B3GALT5: variants seen among roughly 807,000 people sequenced by gnomAD.
B3GALT5 encodes the protein beta-1,3-galactosyltransferase 5, also known as UDP-Gal:betaGlcNAc beta 1,3-galactosyltransferase, polypeptide 5.
For synonymous variants in B3GALT5, 156 were observed against 158.6 expected (o/e 0.98, Z 0.12); for missense variants, 328 against 396.6 (o/e 0.83, Z 1.47).
Position 39,663,266 on chromosome 21 carries a change from C to A in B3GALT5, c.*1774C>A, listed in dbSNP as rs563812080. The A allele has an allele frequency of 1.3e-5, 2 of 152,522 alleles. No individual in the cohort carries two copies. Among genetic ancestry groups the A allele is most frequent in the Non-Finnish European group, 2.9e-5 (2 of 68,180 alleles). The allele number at this position is 152,522 out of a possible 1,614,324, so 9.4% of individuals were successfully genotyped here. A position where few individuals can be genotyped will look rare whatever the true frequency, so the allele number is the denominator to read the frequency against. On this transcript the variant is annotated 3_prime_UTR_variant, in exon 4 of 4. Transcript: ENST00000684187. ...TGTCAGGTGTGTGTCTGTGTGGCCACTGGTCTCAGTCGGCGAGGCCGGTCC... is the reference window on the plus strand; with the variant it reads ...TGTCAGGTGTGTGTCTGTGTGGCCAATGGTCTCAGTCGGCGAGGCCGGTCC...
chr21:39,634,734 A>G (rs2079215024), intron 1 of B3GALT5, among the ~76,000 whole-genome samples: 1 of 151,892 alleles, frequency 6.6e-6, no homozygotes, highest in Admixed American at 6.6e-5. Context: ...TGTTGCCTGG[A>G]GTCTGGATGT....
chr21:39,635,432 G>C (rs2079220424), intron 1 of B3GALT5, among the ~76,000 whole-genome samples: 1 of 152,130 alleles, frequency 6.6e-6, no homozygotes, highest in Non-Finnish European at 1.5e-5. Flanking sequence ...CCCATGGTTT[G>C]TTATTGTGTC....
rs2146233812 is a variant in B3GALT5, at chr21:39,669,418, A to G, written c.*7926A>G. 1 of 152,250 alleles carries G rather than the reference A, an allele frequency of 6.6e-6. No homozygotes were observed. Among genetic ancestry groups the G allele is most frequent in the South Asian group, 2.1e-4 (1 of 4,830 alleles). 9.4% of individuals were successfully genotyped at this position (152,250 alleles called of 1,614,324 possible). On this transcript the variant is annotated 3_prime_UTR_variant, in exon 4 of 4. Transcript: ENST00000684187. The stretch of plus-strand genomic sequence containing the variant: ...ATGTCAGACATTCATTCGTTTATTT[A>G]TTCATCTGTTGAGTGCTCAGTGCTT...
chr21:39,625,334 C>A (rs1207568597), intron 1 of B3GALT5, among the ~76,000 whole-genome samples: 1 of 152,154 alleles, frequency 6.6e-6, no homozygotes, highest in African/African-American at 2.4e-5. Flanking sequence ...ATGGCTCTAC[C>A]ACGCCTGCTA....
chr21:39,619,725 A>T (rs965944929), intron 1 of B3GALT5, among the ~76,000 whole-genome samples: 1 of 152,146 alleles, frequency 6.6e-6, no homozygotes, highest in Non-Finnish European at 1.5e-5. Context: ...CACAAGTTTT[A>T]ATTGCTGTGA....
chr21:39,653,407 C>CCT (rs2079413301), intron 2 of B3GALT5, among the ~76,000 whole-genome samples: 1 of 152,162 alleles, frequency 6.6e-6, no homozygotes, highest in East Asian at 1.9e-4. Flanking sequence ...GGGTCTGGGC[C>CCT]CTCTAAATAT....
chr21:39,643,949 T>C (rs1450355578), intron 1 of B3GALT5, among the ~76,000 whole-genome samples: 1 of 152,130 alleles, frequency 6.6e-6, no homozygotes, highest in Non-Finnish European at 1.5e-5. Flanking sequence ...TCAAGGAAAA[T>C]GACCAAAGAA....
At position 39,651,067 on chromosome 21, in the gene B3GALT5, G is replaced by A. The variant is rs191378289; in HGVS notation, c.-161+4445G>A. ...TGCCATCGTGGTTTTGAAGTGTGACGGTCACTCAGCTCAGGAGTCCTCGCT... is the reference window on the plus strand; with the variant it reads ...TGCCATCGTGGTTTTGAAGTGTGACAGTCACTCAGCTCAGGAGTCCTCGCT... On this transcript the variant is annotated intron_variant, in intron 2 of 3. Transcript: ENST00000684187. Among the ~76,000 whole-genome samples, 36 of 152,110 alleles carry A rather than the reference G, an allele frequency of 2.4e-4. No individual in the cohort carries two copies. In the East Asian group the frequency reaches 5.8e-3, roughly 25 times the overall value.
Position 39,667,204 on chromosome 21 carries a change from T to G in B3GALT5, c.*5712T>G, listed in dbSNP as rs1372609498. ...GAGCTTCGCAGTGCCCTCAATTTGC[T>G]AAGTTAACTTTGGCCACGCCGTCCG... On this transcript the variant is annotated 3_prime_UTR_variant, in exon 4 of 4. Transcript: ENST00000684187. 1 of 152,210 alleles carries G rather than the reference T, an allele frequency of 6.6e-6. No individual in the cohort carries two copies. Among genetic ancestry groups the G allele is most frequent in the African/African-American group, 2.4e-5 (1 of 41,436 alleles). The allele number at this position is 152,210 out of a possible 1,614,324, so 9.4% of individuals were successfully genotyped here.
At chr21:39,615,622 G>A (rs767480046) in intron 1 of B3GALT5, among the ~76,000 whole-genome samples, 6 of 152,212 alleles carry the variant, frequency 3.9e-5, no homozygotes, top group Non-Finnish European at 8.8e-5. Context: ...CAGATGACTG[G>A]TTGCAAATCC....
At chr21:39,657,655 ATCTATCTGTCTG>A in intron 2 of B3GALT5, 1 of 284,824 alleles carries the variant, frequency 3.5e-6, no homozygotes, top group Non-Finnish European at 6.1e-6. Context: ...ATTTCTTCTC[ATCTATCTGTCTG>A]TCTATCTATC....
In B3GALT5 at chr21:39,665,812, C is replaced by A. The variant is rs1281963814; in HGVS notation, c.*4320C>A. The A allele has an allele frequency of 6.6e-6, 1 of 152,232 alleles. No homozygotes were observed. Among genetic ancestry groups the A allele is most frequent in the Non-Finnish European group, 1.5e-5 (1 of 68,042 alleles). 9.4% of individuals were successfully genotyped at this position (152,232 alleles called of 1,614,324 possible). A position where few individuals can be genotyped will look rare whatever the true frequency, so the allele number is the denominator to read the frequency against. On this transcript the variant is annotated 3_prime_UTR_variant, in exon 4 of 4. Coordinates refer to ENST00000684187, the MANE Select transcript of B3GALT5 (RefSeq NM_001356336.2). ...TTTCCTTGCACTTACCAATTTCTAACAAAGCATGTAATATCTGTTTATTAT... is the reference window on the plus strand; with the variant it reads ...TTTCCTTGCACTTACCAATTTCTAAAAAAGCATGTAATATCTGTTTATTAT...
chr21:39,644,989 T>C (rs2079323724), intron 1 of B3GALT5, among the ~76,000 whole-genome samples: 1 of 152,100 alleles, frequency 6.6e-6, no homozygotes, highest in Non-Finnish European at 1.5e-5. Context: ...TGTCAGATGA[T>C]TGGCCCAAAT....
intron 1 of B3GALT5, among the ~76,000 whole-genome samples, chr21:39,639,398 CTTTT>C (rs762137403): frequency 4.0e-4 from 30 of 75,912 alleles, no homozygotes; most frequent in African/African-American, 1.0e-3. Context: ...TTCCTTCTTT[CTTTT>C]TCTTTCTTTC....
chr21:39,638,098 C>G (rs59929400), intron 1 of B3GALT5, among the ~76,000 whole-genome samples: 2,002 of 152,152 alleles, frequency 0.013, 48 homozygotes, highest in African/African-American at 0.046. Flanking sequence ...GGGAAGGGCA[C>G]GGTCCCTTTA....
rs2079641329 is a variant in B3GALT5 at position 39,672,730 on chromosome 21, A to G, written c.*11238A>G. On this transcript the variant is annotated 3_prime_UTR_variant, in exon 4 of 4. Transcript: ENST00000684187. ...TTTTCTATATTTATTTTGTACCTGGAAAAATATTTTTACAATTTATTTTGA... is the reference window on the plus strand; with the variant it reads ...TTTTCTATATTTATTTTGTACCTGGGAAAATATTTTTACAATTTATTTTGA... 1 of 152,218 alleles carries G rather than the reference A, an allele frequency of 6.6e-6. No individual in the cohort carries two copies. Among genetic ancestry groups the G allele is most frequent in the African/African-American group, 2.4e-5 (1 of 41,450 alleles). 9.4% of individuals were successfully genotyped at this position (152,218 alleles called of 1,614,324 possible). A position where few individuals can be genotyped will look rare whatever the true frequency, so the allele number is the denominator to read the frequency against.
chr21:39,648,674 C>T (rs596618), intron 2 of B3GALT5, among the ~76,000 whole-genome samples: 110,258 of 152,084 alleles, frequency 0.72, 40,230 homozygotes, highest in Non-Finnish European at 0.75. Context: ...GCTCAATAAA[C>T]GCTGGGAGAT....
chr21:39,651,607 G>A (rs539098845), intron 2 of B3GALT5, among the ~76,000 whole-genome samples: 1 of 152,338 alleles, frequency 6.6e-6, no homozygotes, highest in South Asian at 2.1e-4. Flanking sequence ...TGAGGTATTG[G>A]TGGTGAGGAC....
At chr21:39,622,079 T>C (rs565045032) in intron 1 of B3GALT5, among the ~76,000 whole-genome samples, 21 of 152,236 alleles carry the variant, frequency 1.4e-4, no homozygotes, top group African/African-American at 4.3e-4. Context: ...GATATGTTGG[T>C]CTTTCATTTT....
Sources: allele counts gnomAD v4.1 joint callset (sites outside exome capture counted in the v4.1 genomes callset), GRCh38; gene constraint gnomAD v4.1.1; transcripts MANE v1.5; gene names NCBI Gene and HGNC (gene_info 2026-07-23, HGNC 2026-07-21).